CACNA1S: variants seen among roughly 807,000 people sequenced by gnomAD.
CACNA1S encodes the protein calcium voltage-gated channel subunit alpha1 S, also known as voltage-dependent L-type calcium channel subunit alpha-1S.
CACNA1S carries 126 observed loss-of-function variants against 207.4 expected under a neutral mutation model. That is an observed-to-expected ratio of 0.61 (90% CI 0.53 to 0.70). The LOEUF (loss-of-function observed/expected upper bound fraction) is 0.70, where lower values mean the gene tolerates loss of function less well. Ranked by LOEUF, CACNA1S falls within the 30% of genes least tolerant of loss-of-function variation. The pLI, the probability that CACNA1S is intolerant of heterozygous loss-of-function variation, is 0.00. For synonymous variants in CACNA1S, 960 were observed against 932.7 expected (o/e 1.03, Z -0.53); for missense variants, 2,349 against 2,422.8 (o/e 0.97, Z 0.64).
At chr1:201,091,214 G>C (rs1005252134) in intron 5 of CACNA1S, among the ~76,000 whole-genome samples, 6 of 152,264 alleles carry the variant, frequency 3.9e-5, no homozygotes, top group Middle Eastern at 3.4e-3. Flanking sequence ...TTTGGCTCTT[G>C]GGTGTTTTTT....
intron 26 of CACNA1S, 54 bp downstream of exon 26, chr1:201,060,604 C>G (rs1661009313): frequency 3.1e-6 from 5 of 1,604,958 alleles, no homozygotes; most frequent in Non-Finnish European, 4.3e-6. Context: ...TCCTGCCCTA[C>G]CCAAGGCCCA....
intron 1 of CACNA1S, among the ~76,000 whole-genome samples, chr1:201,111,984 T>TCCTCTTCCTCCTCCTCCCCCACCCTCCA: frequency 1.0e-5 from 1 of 97,150 alleles, no homozygotes; most frequent in East Asian, 3.6e-4. Flanking sequence ...CCCACCCTCC[T>TCCTCTTCCTCCTCCTCCCCCACCCTCCA]CGTCTTCCTC....
chr1:201,046,655 C>G (rs3913893), intron 38 of CACNA1S, among the ~76,000 whole-genome samples: 32,728 of 152,046 alleles, frequency 0.22, 4,495 homozygotes, highest in Non-Finnish European at 0.32. Flanking sequence ...GATTCTCACG[C>G]CTCAGCCTCC....
chr1:201,070,864 G>A (rs1334596127), intron 16 of CACNA1S, among the ~76,000 whole-genome samples: 2 of 152,162 alleles, frequency 1.3e-5, no homozygotes, highest in African/African-American at 2.4e-5. Flanking sequence ...ACAAGGGGCA[G>A]GAGGGTTGTT....
In CACNA1S at chr1:201,047,571, C is replaced by T. The variant is rs756272876; in HGVS notation, c.4497G>A (p.Lys1499=). 1.2e-6 allele frequency: 2 copies of T among 1,614,236 alleles called. No individual in the cohort carries two copies. The highest frequency in any genetic ancestry group is 2.2e-5 in the South Asian group (2 of 91,082). ...GGTCCAAGAGCTTCATGCTGGTTCT[C>T]TTCCAGATCTTCTTGATGATGGCCC... ...ELRAIIKKIW[K]RTSMKLLDQV... Residue 1499 remains lysine (K), a synonymous_variant, in exon 37 of 44, where the codon AAG becomes AAA. Transcript: ENST00000362061.
chr1:201,098,923 C>A (rs1181738647), intron 2 of CACNA1S, among the ~76,000 whole-genome samples: 1 of 152,190 alleles, frequency 6.6e-6, no homozygotes, highest in East Asian at 1.9e-4. Context: ...CCAAACTTAG[C>A]TGGAGGTTGG....
intron 28 of CACNA1S, 140 bp from the exon 29 acceptor site, chr1:201,054,701 C>A (rs1047451727): frequency 5.0e-5 from 22 of 441,370 alleles, no homozygotes; most frequent in Non-Finnish European, 8.8e-5. Flanking sequence ...GCTAAAGACC[C>A]CACATGGCTG....
At position 201,066,909 on chromosome 1, in the gene CACNA1S, A is replaced by G. The variant is rs573597311; in HGVS notation, c.2635T>C (p.Ser879Pro). ...NMLDLLVVAV[S>P]LISMGLESSA... ...CACTCAAGTCCCATGGAGATGAGGG[A>G]CACGGCCACCACCAGCAGGTCCAGC... Residue 879 changes from serine (S) to proline (P), a missense_variant, in exon 20 of 44, where the codon TCC (serine) becomes CCC (proline). Ser to Pro is a moderately conservative substitution (Grantham distance 74, BLOSUM62 -1). Transcript: ENST00000362061. This position sits in a 1 kb window ranked among gnomAD's most constrained non-coding sequence, Gnocchi z 4.3. 78 of 1,614,044 alleles carry G rather than the reference A, an allele frequency of 4.8e-5. 1 individual carries two copies. In the East Asian group the frequency reaches 1.2e-3, roughly 24 times the overall value.
rs749588662 is a variant in CACNA1S at position 201,093,924 on chromosome 1, C to T, written c.356G>A (p.Arg119His). The change falls in exon 3 of 44, where the codon CGC (arginine) becomes CAC (histidine). Residue 119 changes from arginine to histidine, a missense_variant. Coordinates refer to ENST00000362061, the MANE Select transcript of CACNA1S (RefSeq NM_000069.3). ...GAAGTCCAGCACATTCCAGCCACTG[C>T]GCAGGTAAGCGTCCTGGTGGAATAA... ...GFLFHQDAYL[R>H]SGWNVLDFTI... 9.9e-6 allele frequency: 16 copies of T among 1,614,194 alleles called. No individual in the cohort carries two copies. The highest frequency in any genetic ancestry group is 1.7e-4 in the Middle Eastern group (1 of 6,050).
rs547457184 is a variant in CACNA1S at position 201,050,647 on chromosome 1, C to T, written c.4114-131G>A. 6.3e-6 allele frequency: 6 copies of T among 954,272 alleles called. No homozygotes were observed. In the South Asian group the frequency reaches 8.2e-5, roughly 13 times the overall value. The allele number at this position is 954,272 out of a possible 1,614,324, so 59.1% of individuals were successfully genotyped here. A position where few individuals can be genotyped will look rare whatever the true frequency, so the allele number is the denominator to read the frequency against. ...TGCCCTTGATTCTAGCCCTTCTGAA[C>T]CACCCACATCACACACACAGCAATG... On this transcript the variant is annotated intron_variant, in intron 33 of 43. Coordinates refer to ENST00000362061, the MANE Select transcript of CACNA1S (RefSeq NM_000069.3).
intron 3 of CACNA1S, among the ~76,000 whole-genome samples, chr1:201,092,863 T>C (rs61209417): frequency 0.016 from 2,455 of 152,326 alleles, 82 homozygotes; most frequent in African/African-American, 0.056. Context: ...CTTACGGAAC[T>C]GAAGGACAGC....
In CACNA1S at chr1:201,087,867, T is replaced by C. The variant is rs1662090028; in HGVS notation, c.963A>G (p.Gly321=). The change falls in exon 7 of 44, where the codon GGA becomes GGG. Residue 321 remains glycine, a synonymous_variant. Transcript: ENST00000362061. ...WIYFVTLILL[G]SFFILNLVLG... The stretch of plus-strand genomic sequence containing the variant: ...GCACCAGGTTGAGGATGAAGAAGGA[T>C]CCCAGCAAAATGAGGGTGACAAAAT... 6.2e-7 allele frequency: 1 copy of C among 1,613,734 alleles called. No homozygotes were observed. The highest frequency in any genetic ancestry group is 1.3e-5 in the African/African-American group (1 of 74,836).
At chr1:201,063,480 G>C (rs753868138) in intron 22 of CACNA1S, among the ~76,000 whole-genome samples, 1 of 151,976 alleles carries the variant, frequency 6.6e-6, no homozygotes, top group African/African-American at 2.4e-5. Flanking sequence ...AGTGAGAAGG[G>C]GTTTCACCAT....
intron 10 of CACNA1S, among the ~76,000 whole-genome samples, chr1:201,082,573 T>C (rs1661875909): frequency 6.6e-6 from 1 of 152,216 alleles, no homozygotes; most frequent in African/African-American, 2.4e-5. Flanking sequence ...TCTTCTGTGA[T>C]TCTCCTCTTG....
At chr1:201,049,842 T>C (rs1463505782) in intron 34 of CACNA1S, among the ~76,000 whole-genome samples, 1 of 152,152 alleles carries the variant, frequency 6.6e-6, no homozygotes, top group Admixed American at 6.5e-5. Flanking sequence ...CTCTTACCAG[T>C]TACATGGACT....
At chr1:201,094,123 C>A in intron 2 of CACNA1S, 102 bp from the exon 3 acceptor site, 1 of 1,439,398 alleles carries the variant, frequency 6.9e-7, no homozygotes, top group South Asian at 1.2e-5. Context: ...TGCTCAGGCA[C>A]GCCCACCTCA....
intron 10 of CACNA1S, among the ~76,000 whole-genome samples, chr1:201,080,668 A>G (rs1348801304): frequency 1.3e-5 from 2 of 152,068 alleles, no homozygotes; most frequent in East Asian, 1.9e-4. Context: ...TGGGGCTGCC[A>G]GCTTCCATTG....
At chr1:201,076,664 G>A (rs531350549) in intron 12 of CACNA1S, among the ~76,000 whole-genome samples, 1 of 152,338 alleles carries the variant, frequency 6.6e-6, no homozygotes, top group African/African-American at 2.4e-5. Context: ...TCCTGCAGTA[G>A]GCCAGCACTG....
intron 17 of CACNA1S, among the ~76,000 whole-genome samples, chr1:201,069,941 A>G (rs1661392134): frequency 1.3e-5 from 2 of 152,156 alleles, no homozygotes; most frequent in South Asian, 4.1e-4. Flanking sequence ...CACAGAGACT[A>G]TGGCCTGTGT....
Sources: gnomAD v4.1 joint callset for allele counts (sites outside exome capture counted in the v4.1 genomes callset) on GRCh38, gnomAD v4.1.1 for gene constraint, Gnocchi (gnomAD v3.1) non-coding constraint, MANE v1.5 for transcripts, NCBI Gene and HGNC (gene_info 2026-07-23, HGNC 2026-07-21) for gene names.